ADCY2: variants seen among roughly 807,000 people sequenced by gnomAD.
ADCY2 encodes adenylate cyclase 2.
A neutral mutation model predicts 125.2 loss-of-function variants in ADCY2; 31 were observed. That is an observed-to-expected ratio of 0.25 (90% CI 0.19 to 0.33). The LOEUF (loss-of-function observed/expected upper bound fraction) is 0.33. ADCY2 is among the 10% of genes least tolerant of loss of function. The pLI, the probability that ADCY2 is intolerant of heterozygous loss-of-function variation, is 1.00. For synonymous variants in ADCY2, 512 were observed against 548.4 expected (o/e 0.93, Z 0.93); for missense variants, 904 against 1,418.2 (o/e 0.64, Z 5.82).
intron 2 of ADCY2, among the ~76,000 whole-genome samples, chr5:7,498,403 C>A (rs896136064): frequency 6.6e-6 from 1 of 151,854 alleles, no homozygotes; most frequent in African/African-American, 2.4e-5. Flanking sequence ...CGCCCCCCAC[C>A]GCACCTGGCT....
At chr5:7,821,780 G>A (rs1279985265) in intron 24 of ADCY2, among the ~76,000 whole-genome samples, 1 of 152,252 alleles carries the variant, frequency 6.6e-6, no homozygotes, top group Non-Finnish European at 1.5e-5. Flanking sequence ...TGGAGACAGT[G>A]TGTGAAGACC....
intron 4 of ADCY2, among the ~76,000 whole-genome samples, chr5:7,674,806 G>A (rs533076035): frequency 2.2e-4 from 33 of 152,240 alleles, no homozygotes; most frequent in African/African-American, 7.9e-4. Context: ...ACTGAACCAT[G>A]ACCTTTTTTG....
chr5:7,748,658 G>T (rs1399991417), intron 15 of ADCY2, among the ~76,000 whole-genome samples: 1 of 152,010 alleles, frequency 6.6e-6, no homozygotes, highest in Non-Finnish European at 1.5e-5. Flanking sequence ...GTCTGCAAAG[G>T]CTTCCTATCC....
chr5:7,824,302 G>A (rs1745397082), intron 24 of ADCY2, among the ~76,000 whole-genome samples: 1 of 152,192 alleles, frequency 6.6e-6, no homozygotes. Context: ...TGGAGGCATA[G>A]TAACCGGTGT....
intron 2 of ADCY2, among the ~76,000 whole-genome samples, chr5:7,456,791 TA>T (rs1424486682): frequency 1.3e-5 from 2 of 152,218 alleles, no homozygotes; most frequent in African/African-American, 4.8e-5. Context: ...TTAATGAATA[TA>T]ATTCCTTTTT....
At chr5:7,575,811 A>T (rs538905755) in intron 3 of ADCY2, among the ~76,000 whole-genome samples, 1 of 152,348 alleles carries the variant, frequency 6.6e-6, no homozygotes, top group Admixed American at 6.5e-5. Context: ...TGCTAAAAAA[A>T]ACCCCTATAA....
rs184978336 is a variant in ADCY2, at chr5:7,403,962, A to T, written c.210+7456A>T. Among the ~76,000 whole-genome samples, 3 of 152,104 alleles carry T rather than the reference A, an allele frequency of 2.0e-5. No individual in the cohort carries two copies. In the East Asian group the frequency reaches 5.8e-4, roughly 29 times the overall value. On this transcript the variant is annotated intron_variant, in intron 1 of 24. Transcript: ENST00000338316. ...TACACACACACACACACACACACAC[A>T]CACACACACACACAAAATTACTAAA...
At chr5:7,759,308 T>G (rs907459910) in intron 16 of ADCY2, among the ~76,000 whole-genome samples, 1 of 152,170 alleles carries the variant, frequency 6.6e-6, no homozygotes, top group African/African-American at 2.4e-5. Context: ...TCCCCAGGCA[T>G]GCGGGCCACT....
chr5:7,527,034 A>G (rs979635412), intron 3 of ADCY2, among the ~76,000 whole-genome samples: 2 of 152,244 alleles, frequency 1.3e-5, no homozygotes, highest in Admixed American at 6.5e-5. Context: ...TGTAAGTTCC[A>G]TGATAGAAGC....
chr5:7,410,849 T>C (rs1739680478), intron 1 of ADCY2, among the ~76,000 whole-genome samples: 1 of 152,146 alleles, frequency 6.6e-6, no homozygotes, highest in African/African-American at 2.4e-5. Flanking sequence ...TGTTTTATAT[T>C]CTAATGTTTG....
chr5:7,543,906 C>G (rs536408738), intron 3 of ADCY2, among the ~76,000 whole-genome samples: 1 of 147,812 alleles, frequency 6.8e-6, no homozygotes, highest in Non-Finnish European at 1.5e-5. Context: ...TCCACCTACT[C>G]GGGAGGCTGA....
chr5:7,724,496 T>C, intron 12 of ADCY2, 49 bp from the exon 13 acceptor site: 1 of 1,396,158 alleles, frequency 7.2e-7, no homozygotes, highest in Non-Finnish European at 1.0e-6. Context: ...GTTCCAGATG[T>C]TTGATTGGAG....
At chr5:7,677,642 A>G (rs192987726) in intron 4 of ADCY2, among the ~76,000 whole-genome samples, 2 of 152,346 alleles carry the variant, frequency 1.3e-5, no homozygotes, top group African/African-American at 2.4e-5. Context: ...ATGGCCAGAA[A>G]GACATGTCAC....
chr5:7,823,272 T>C (rs1745360238), intron 24 of ADCY2, among the ~76,000 whole-genome samples: 1 of 152,182 alleles, frequency 6.6e-6, no homozygotes, highest in African/African-American at 2.4e-5. Context: ...GGAGGAAATA[T>C]TCCAACCAAA....
At chr5:7,509,551 T>C (rs766080982) in intron 2 of ADCY2, among the ~76,000 whole-genome samples, 6 of 152,178 alleles carry the variant, frequency 3.9e-5, no homozygotes, top group Admixed American at 3.3e-4. Context: ...GTGAAAGTTA[T>C]TGTTTTACCT....
chr5:7,577,196 G>T (rs1047153957), intron 3 of ADCY2, among the ~76,000 whole-genome samples: 5 of 152,124 alleles, frequency 3.3e-5, no homozygotes, highest in Admixed American at 6.5e-5. Context: ...TTCCAGGGTG[G>T]ACAGGGAAAG....
chr5:7,447,755 TGGAAGATGCTG>T (rs1741324870), intron 2 of ADCY2, among the ~76,000 whole-genome samples: 1 of 151,952 alleles, frequency 6.6e-6, no homozygotes, highest in Non-Finnish European at 1.5e-5. Context: ...GGGCCAAAGG[TGGAAGATGCTG>T]TTGTACCAGA....
chr5:7,625,085 G>T (rs1738078238), intron 3 of ADCY2, among the ~76,000 whole-genome samples: 1 of 152,166 alleles, frequency 6.6e-6, no homozygotes, highest in South Asian at 2.1e-4. Context: ...AATACTTCTG[G>T]CTTTTCAGTA....
intron 4 of ADCY2, among the ~76,000 whole-genome samples, chr5:7,648,940 C>T (rs1415901132): frequency 1.3e-5 from 2 of 152,116 alleles, no homozygotes; most frequent in African/African-American, 2.4e-5. Context: ...TAAAACCTGT[C>T]TCATAAATTT....
Sources: gnomAD v4.1 joint callset for allele counts (sites outside exome capture counted in the v4.1 genomes callset) on GRCh38, gnomAD v4.1.1 for gene constraint, MANE v1.5 for transcripts, NCBI Gene and HGNC (gene_info 2026-07-23, HGNC 2026-07-21) for gene names.